CLGN: variants seen among roughly 807,000 people sequenced by gnomAD.
CLGN encodes testis tissue sperm-binding protein Li 79P.
In CLGN, 62 loss-of-function variants were observed where a neutral mutation model predicts 79.1. That is an observed-to-expected ratio of 0.78 (90% CI 0.64 to 0.97). The LOEUF is 0.97. Among genes scored for constraint, CLGN ranks in the 50% least tolerant of loss-of-function variants. The probability of loss-of-function intolerance (pLI) is 0.00; values close to 1 mark genes in which losing one functional copy is unlikely to be tolerated. For missense variants in CLGN, 647 were observed against 715.5 expected (o/e 0.90, Z 1.09); for synonymous variants, 225 against 224.7 (o/e 1.00, Z -0.01).
rs1048056786 is a variant in CLGN, at chr4:140,393,886, T to A, written c.1305A>T (p.Val435=). 8 of 1,613,676 alleles carry A rather than the reference T, an allele frequency of 5.0e-6. No homozygotes were observed. In the Admixed American group the frequency reaches 8.3e-5, roughly 17 times the overall value. The change falls in exon 11 of 15, where the codon GTA becomes GTT. Residue 435 remains valine, a synonymous_variant. Coordinates refer to ENST00000325617, the MANE Select transcript of CLGN (RefSeq NM_004362.3). The part of the protein sequence containing the change: ...DNFIICSEKE[V]ADHWAADGWR... ...AACCATCTGCAGCCCAGTGATCTGCTACTTCCTTTTCCGAACAGATAATAA... is the reference window on the plus strand; with the variant it reads ...AACCATCTGCAGCCCAGTGATCTGCAACTTCCTTTTCCGAACAGATAATAA...
chr4:140,398,418 C>T lies in CLGN; in HGVS notation c.884+433G>A, dbSNP rs191204880. 2.6e-3 allele frequency among the ~76,000 whole-genome samples: 397 copies of T among 151,792 alleles called. 1 individual carries two copies. The highest frequency in any genetic ancestry group is 6.0e-3 in the Admixed American group (92 of 15,242). On this transcript the variant is annotated intron_variant, in intron 8 of 14. Coordinates refer to ENST00000325617, the MANE Select transcript of CLGN (RefSeq NM_004362.3). ...CCGAGTAGCTGGGATTACAGGCACC[C>T]GCCGCCATGCCCGCTAATTTTTGTG...
chr4:140,411,647 C>T (rs1333034134), intron 2 of CLGN, among the ~76,000 whole-genome samples: 1 of 151,978 alleles, frequency 6.6e-6, no homozygotes, highest in Admixed American at 6.6e-5. Context: ...ACCCTGATAG[C>T]AAAACACTTC....
chr4:140,419,007 G>A (rs1219197308), intron 1 of CLGN, among the ~76,000 whole-genome samples: 1 of 152,164 alleles, frequency 6.6e-6, no homozygotes, highest in Non-Finnish European at 1.5e-5. Context: ...TATACACCAT[G>A]GAATACTATG....
chr4:140,400,473 A>C lies in CLGN; in HGVS notation c.578T>G (p.Phe193Cys). ...DKCGEDYKLH[F>C]IFRHKHPKTG... Reference sequence around the variant, plus strand: ...TTTGGGATGTTTATGTCTGAAGATAAAATGAAGTTTATAATCTTCTCCACA... The same window carrying C: ...TTTGGGATGTTTATGTCTGAAGATACAATGAAGTTTATAATCTTCTCCACA... The change falls in exon 7 of 15, where the codon TTT becomes TGT. Residue 193 changes from phenylalanine to cysteine, a missense_variant. Coordinates refer to ENST00000325617, the MANE Select transcript of CLGN (RefSeq NM_004362.3). The C allele has an allele frequency of 6.2e-7, 1 of 1,606,684 alleles. No homozygotes were observed. Among genetic ancestry groups the C allele is most frequent in the South Asian group, 1.1e-5 (1 of 90,862 alleles).
chr4:140,412,674 C>T (rs903180009), intron 2 of CLGN, among the ~76,000 whole-genome samples: 6 of 151,958 alleles, frequency 3.9e-5, no homozygotes, highest in South Asian at 2.1e-4. Context: ...CTCTTTAATC[C>T]GTGACAAACT....
chr4:140,409,083 GCTAT>G (rs1008989190), intron 4 of CLGN, among the ~76,000 whole-genome samples: 2 of 151,918 alleles, frequency 1.3e-5, no homozygotes, highest in Non-Finnish European at 2.9e-5. Flanking sequence ...CATCCAACAT[GCTAT>G]CTGTTTTGCT....
intron 5 of CLGN, among the ~76,000 whole-genome samples, chr4:140,404,609 A>G (rs1729063725): frequency 6.6e-6 from 1 of 152,034 alleles, no homozygotes; most frequent in South Asian, 2.1e-4. Context: ...AATTGTTTTT[A>G]AACATATGAA....
chr4:140,399,053 T>C lies in CLGN; in HGVS notation c.695-13A>G. On this transcript the variant is annotated splice_polypyrimidine_tract_variant and intron_variant, in intron 7 of 14. Transcript: ENST00000325617. ...TCTGGATTCATCACTAAGGGACCAATTTAAATAAATTATAGTTATCATTTT... is the reference window on the plus strand; with the variant it reads ...TCTGGATTCATCACTAAGGGACCAACTTAAATAAATTATAGTTATCATTTT... The C allele has an allele frequency of 3.2e-6, 5 of 1,578,008 alleles. No homozygotes were observed. The highest frequency in any genetic ancestry group is 4.3e-6 in the Non-Finnish European group (5 of 1,163,286).
intron 1 of CLGN, among the ~76,000 whole-genome samples, chr4:140,418,015 T>TGGAACAAAA (rs1198856288): frequency 6.6e-6 from 1 of 152,100 alleles, no homozygotes; most frequent in African/African-American, 2.4e-5. Flanking sequence ...TATGGATCAA[T>TGGAACAAAA]GGAACAAAAC....
intron 5 of CLGN, among the ~76,000 whole-genome samples, chr4:140,403,843 C>T (rs926972440): frequency 6.6e-6 from 1 of 152,170 alleles, no homozygotes; most frequent in Non-Finnish European, 1.5e-5. Context: ...TTGACTACTG[C>T]TAAACTTCCA....
chr4:140,397,460 T>A, intron 8 of CLGN, among the ~76,000 whole-genome samples: 1 of 125,584 alleles, frequency 8.0e-6, no homozygotes, highest in South Asian at 2.6e-4. Context: ...TTAGGGAGGT[T>A]TTTTTTTTTG....
intron 1 of CLGN, among the ~76,000 whole-genome samples, chr4:140,424,175 G>T (rs904726971): frequency 6.6e-6 from 1 of 152,032 alleles, no homozygotes; most frequent in Non-Finnish European, 1.5e-5. Flanking sequence ...TTTTAACACT[G>T]CTTTCACTGT....
intron 7 of CLGN, among the ~76,000 whole-genome samples, chr4:140,399,562 G>A (rs896932050): frequency 5.3e-5 from 8 of 152,108 alleles, no homozygotes; most frequent in Non-Finnish European, 1.2e-4. Context: ...GGCATTGCCC[G>A]AGCAGACAAA....
At position 140,388,939 on chromosome 4, in the gene CLGN, A is replaced by G; in HGVS notation, c.*285T>C. 1 of 343,818 alleles carries G rather than the reference A, an allele frequency of 2.9e-6. No individual in the cohort carries two copies. The highest frequency in any genetic ancestry group is 5.2e-5 in the East Asian group (1 of 19,210). 21.3% of individuals were successfully genotyped at this position (343,818 alleles called of 1,614,324 possible). ...GCTACATATTATTTTGTTCTGTACA[A>G]ACCAAAACTATCTCCAAACAACTAA... On this transcript the variant is annotated 3_prime_UTR_variant, in exon 15 of 15. Coordinates refer to ENST00000325617, the MANE Select transcript of CLGN (RefSeq NM_004362.3).
chr4:140,412,198 T>A (rs1250140760), intron 2 of CLGN, among the ~76,000 whole-genome samples: 1 of 152,110 alleles, frequency 6.6e-6, no homozygotes, highest in Admixed American at 6.5e-5. Flanking sequence ...CATTTGCCAA[T>A]GAAAAATTCT....
chr4:140,423,421 G>C (rs1009026004), intron 1 of CLGN, among the ~76,000 whole-genome samples: 2 of 152,118 alleles, frequency 1.3e-5, no homozygotes, highest in Non-Finnish European at 2.9e-5. Flanking sequence ...TTAATATGCA[G>C]CTGAATTTTG....
chr4:140,405,926 A>G lies in CLGN; in HGVS notation c.419+16T>C. 6.3e-7 allele frequency: 1 copy of G among 1,587,250 alleles called. No homozygotes were observed. The highest frequency in any genetic ancestry group is 2.3e-5 in the East Asian group (1 of 44,066). On this transcript the variant is annotated intron_variant, in intron 5 of 14. Transcript: ENST00000325617. The stretch of plus-strand genomic sequence containing the variant: ...CAAAATTCAGAAAAAGTATTCAAAA[A>G]CATAGCAACACTTACTGAACTATCA...
chr4:140,390,228 T>C (rs1275597180), intron 14 of CLGN, among the ~76,000 whole-genome samples: 2 of 151,804 alleles, frequency 1.3e-5, no homozygotes, highest in East Asian at 3.8e-4. Flanking sequence ...TGAAATATTT[T>C]AAAACGTGAG....
Position 140,409,825 on chromosome 4 carries a change from T to G in CLGN, c.277+12A>C, listed in dbSNP as rs759892917. 1 of 1,543,398 alleles carries G rather than the reference T, an allele frequency of 6.5e-7. No individual in the cohort carries two copies. Among genetic ancestry groups the G allele is most frequent in the South Asian group, 1.1e-5 (1 of 87,698 alleles). ...ATACTGGTTATATCTAATACTTAAA[T>G]AAATATTTTACCATCGTATATTGAA... On this transcript the variant is annotated intron_variant, in intron 4 of 14. Coordinates refer to ENST00000325617, the MANE Select transcript of CLGN (RefSeq NM_004362.3).
Sources: gnomAD v4.1 joint callset for allele counts (sites outside exome capture counted in the v4.1 genomes callset) on GRCh38, gnomAD v4.1.1 for gene constraint, MANE v1.5 for transcripts, NCBI Gene and HGNC (gene_info 2026-07-23, HGNC 2026-07-21) for gene names.